RNF217: variants seen among roughly 807,000 people sequenced by gnomAD.
RNF217 encodes the protein ring finger protein 217, also known as E3 ubiquitin-protein ligase RNF217.
A neutral mutation model predicts 57.8 loss-of-function variants in RNF217; 31 were observed. That is an observed-to-expected ratio of 0.54 (90% CI 0.40 to 0.72). The LOEUF (loss-of-function observed/expected upper bound fraction) is 0.72. Ranked by LOEUF, RNF217 falls within the 30% of genes least tolerant of loss-of-function variation. The pLI, the probability that RNF217 is intolerant of heterozygous loss-of-function variation, is 0.00. For synonymous variants in RNF217, 313 were observed against 294.0 expected (o/e 1.06, Z -0.66); for missense variants, 696 against 708.3 (o/e 0.98, Z 0.20).
In RNF217 at chr6:125,091,721, C is replaced by T. The variant is rs540421208; in HGVS notation, c.*8784C>T. On this transcript the variant is annotated 3_prime_UTR_variant, in exon 6 of 6. Transcript: ENST00000521654. ...TAAAAATAAAAGTAACTGTATGGTACTTCAGGAATTTGACCAGTTCCTTAC... is the reference window on the plus strand; with the variant it reads ...TAAAAATAAAAGTAACTGTATGGTATTTCAGGAATTTGACCAGTTCCTTAC... 2.6e-5 allele frequency: 4 copies of T among 152,262 alleles called. No individual in the cohort carries two copies. The East Asian group carries it at 5.8e-4, about 22-fold the overall frequency. The allele number at this position is 152,262 out of a possible 1,614,324, so 9.4% of individuals were successfully genotyped here.
At chr6:125,015,581 G>GTA (rs1785570704) in intron 1 of RNF217, among the ~76,000 whole-genome samples, 1 of 151,928 alleles carries the variant, frequency 6.6e-6, no homozygotes, top group Non-Finnish European at 1.5e-5. Context: ...AGTTATGATA[G>GTA]TATGTAGAGT....
At chr6:124,969,134 A>G (rs886410614) in intron 1 of RNF217, among the ~76,000 whole-genome samples, 39 of 152,316 alleles carry the variant, frequency 2.6e-4, no homozygotes, top group Admixed American at 7.2e-4. Context: ...CTAACTTTTT[A>G]TTAATCTCAT....
At chr6:125,024,323 C>A (rs1785977984) in intron 1 of RNF217, among the ~76,000 whole-genome samples, 1 of 152,206 alleles carries the variant, frequency 6.6e-6, no homozygotes, top group African/African-American at 2.4e-5. Flanking sequence ...TGGCTCACGC[C>A]TGTAATCCCA....
intron 2 of RNF217, among the ~76,000 whole-genome samples, chr6:125,052,147 C>G (rs1431613558): frequency 6.6e-6 from 1 of 151,812 alleles, no homozygotes. Context: ...AACATAAAAG[C>G]TAGTATTGAG....
intron 1 of RNF217, chr6:125,009,473 G>GAA: frequency 1.2e-4 from 48 of 411,796 alleles, no homozygotes; most frequent in South Asian, 1.9e-4. Flanking sequence ...TAAGAAGGCA[G>GAA]AAAAAAAAAA....
chr6:125,081,919 A>G (rs1788590963), intron 5 of RNF217, among the ~76,000 whole-genome samples: 1 of 152,140 alleles, frequency 6.6e-6, no homozygotes, highest in African/African-American at 2.4e-5. Flanking sequence ...GTACAAACAG[A>G]TAATGTCAGT....
intron 3 of RNF217, among the ~76,000 whole-genome samples, chr6:125,068,280 C>T (rs534558030): frequency 5.0e-4 from 76 of 152,192 alleles, no homozygotes; most frequent in African/African-American, 1.7e-3. Flanking sequence ...CAGGGTGCTT[C>T]TCAATTAGTA....
intron 1 of RNF217, among the ~76,000 whole-genome samples, chr6:124,970,754 T>C (rs184601198): frequency 6.6e-6 from 1 of 152,292 alleles, no homozygotes; most frequent in East Asian, 1.9e-4. Flanking sequence ...TTCACAAATA[T>C]GGAGTCTGGG....
intron 1 of RNF217, among the ~76,000 whole-genome samples, chr6:124,978,883 G>C (rs1243551593): frequency 6.6e-6 from 1 of 152,202 alleles, no homozygotes; most frequent in Admixed American, 6.5e-5. Flanking sequence ...GCTGTCAGCG[G>C]ACAGGGCACC....
chr6:124,999,547 T>C (rs772047387), intron 1 of RNF217, among the ~76,000 whole-genome samples: 2 of 152,168 alleles, frequency 1.3e-5, no homozygotes, highest in Non-Finnish European at 2.9e-5. Context: ...TTTAGGCTCA[T>C]AGACTGTAGT....
Position 125,017,922 on chromosome 6 carries a change from G to A in RNF217, c.883-27289G>A, listed in dbSNP as rs544526860. On this transcript the variant is annotated intron_variant, in intron 1 of 5. Coordinates refer to ENST00000521654, the MANE Select transcript of RNF217 (RefSeq NM_001286398.3). Reference sequence around the variant, plus strand: ...GAAAGAATTCACTTTATAAAAGAGGGTACCACATATTTTCACGAATCACAT... The same window carrying A: ...GAAAGAATTCACTTTATAAAAGAGGATACCACATATTTTCACGAATCACAT... Among the ~76,000 whole-genome samples, 10 of 152,212 alleles carry A rather than the reference G, an allele frequency of 6.6e-5. 1 individual carries two copies. The South Asian group carries it at 1.9e-3, about 28-fold the overall frequency.
At chr6:125,059,165 G>A (rs995854632) in intron 3 of RNF217, among the ~76,000 whole-genome samples, 1 of 152,130 alleles carries the variant, frequency 6.6e-6, no homozygotes, top group Non-Finnish European at 1.5e-5. Flanking sequence ...ATGAAATAAC[G>A]TGTTGCATTT....
At chr6:125,048,050 T>C in intron 2 of RNF217, 1 of 405,464 alleles carries the variant, frequency 2.5e-6, no homozygotes. Context: ...TTTTACTTAT[T>C]TTAGTGTAAA....
chr6:124,989,637 A>ATTTGAG (rs112894975), intron 1 of RNF217, among the ~76,000 whole-genome samples: 150,343 of 152,088 alleles, frequency 0.99, 74,325 homozygotes, highest in East Asian at 1. Context: ...AAACACTTAA[A>ATTTGAG]TTTGATATAA....
chr6:125,061,162 A>G (rs1004443867), intron 3 of RNF217, among the ~76,000 whole-genome samples: 6 of 151,988 alleles, frequency 3.9e-5, no homozygotes, highest in Non-Finnish European at 7.4e-5. Context: ...TCCATATTTT[A>G]TACCTTTGAA....
intron 2 of RNF217, among the ~76,000 whole-genome samples, chr6:125,050,478 C>T (rs556142): frequency 0.025 from 3,859 of 152,008 alleles, 159 homozygotes; most frequent in African/African-American, 0.087. Context: ...TTCTTATAAA[C>T]CCTCTGAGTA....
intron 3 of RNF217, among the ~76,000 whole-genome samples, chr6:125,063,357 A>G (rs1000924106): frequency 1.3e-5 from 2 of 152,202 alleles, no homozygotes; most frequent in Admixed American, 6.5e-5. Flanking sequence ...AGGTCAACAT[A>G]TTCATTATTT....
At chr6:125,052,856 T>A (rs1034584569) in intron 2 of RNF217, among the ~76,000 whole-genome samples, 2 of 152,136 alleles carry the variant, frequency 1.3e-5, no homozygotes, top group African/African-American at 2.4e-5. Flanking sequence ...ACAGCCATGA[T>A]TTTTACATGT....
intron 1 of RNF217, chr6:125,009,461 TG>T: frequency 2.1e-6 from 1 of 479,808 alleles, no homozygotes; most frequent in South Asian, 4.6e-5. Flanking sequence ...CTAGAAAGAA[TG>T]TAAGAAGGCA....
Sources: allele counts gnomAD v4.1 joint callset (sites outside exome capture counted in the v4.1 genomes callset), GRCh38; gene constraint gnomAD v4.1.1; transcripts MANE v1.5; gene names NCBI Gene and HGNC (gene_info 2026-07-23, HGNC 2026-07-21).